Variants in GRIN2A observed in about 807,000 individuals in gnomAD.
GRIN2A encodes the protein glutamate ionotropic receptor NMDA type subunit 2A, also known as glutamate receptor ionotropic, NMDA 2A.
In GRIN2A, 22 loss-of-function variants were observed where a neutral mutation model predicts 113.4. The observed-to-expected ratio is 0.19, with a 90% confidence interval of 0.14 to 0.28. The LOEUF (loss-of-function observed/expected upper bound fraction) is 0.28. Ranked by LOEUF, GRIN2A falls within the 10% of genes least tolerant of loss-of-function variation. The pLI is 1.00. For synonymous variants in GRIN2A, 827 were observed against 738.4 expected (o/e 1.12, Z -1.94); for missense variants, 1,502 against 1,887.0 (o/e 0.80, Z 3.78).
At chr16:9,910,560 G>C (rs114002150) in intron 3 of GRIN2A, among the ~76,000 whole-genome samples, 1,199 of 115,018 alleles carry the variant, frequency 0.01, 20 homozygotes, top group African/African-American at 0.041. Flanking sequence ...TTTTTTTTGA[G>C]ACGGAGTCTT....
At chr16:9,922,326 G>T (rs62034950) in intron 3 of GRIN2A, among the ~76,000 whole-genome samples, 2 of 151,512 alleles carry the variant, frequency 1.3e-5, no homozygotes, top group African/African-American at 4.8e-5. Flanking sequence ...AAAAAAAAAG[G>T]AGAATCAGAA....
At chr16:9,833,102 A>G (rs2042525582) in intron 8 of GRIN2A, among the ~76,000 whole-genome samples, 1 of 152,154 alleles carries the variant, frequency 6.6e-6, no homozygotes, top group African/African-American at 2.4e-5. Flanking sequence ...TTCTGATAAC[A>G]CCCATTTAGA....
At chr16:9,940,962 T>G (rs1389480036) in intron 2 of GRIN2A, among the ~76,000 whole-genome samples, 1 of 152,182 alleles carries the variant, frequency 6.6e-6, no homozygotes, top group Non-Finnish European at 1.5e-5. Flanking sequence ...TCACACACTG[T>G]GAGACGCCTC....
In GRIN2A at chr16:10,085,114, C is replaced by T. The variant is rs555914183; in HGVS notation, c.414+94884G>A. Reference sequence around the variant, plus strand: ...TTTGGTCACTTGTTCAGTTATATAGCCAGTGAGTTACAGAGTAAGGATTTG... The same window carrying T: ...TTTGGTCACTTGTTCAGTTATATAGTCAGTGAGTTACAGAGTAAGGATTTG... On this transcript the variant is annotated intron_variant, in intron 2 of 12. Coordinates refer to ENST00000330684, the MANE Select transcript of GRIN2A (RefSeq NM_001134407.3). Among the ~76,000 whole-genome samples the T allele has an allele frequency of 2.3e-4, 35 of 152,234 alleles. No individual in the cohort carries two copies. The East Asian group carries it at 6.6e-3, about 29-fold the overall frequency.
chr16:9,891,188 T>C (rs751571621), intron 3 of GRIN2A, 88 bp from the exon 4 acceptor site: 6 of 782,210 alleles, frequency 7.7e-6, no homozygotes, highest in South Asian at 6.9e-5. Context: ...AATGGAATAC[T>C]GAAAAATTAT....
intron 2 of GRIN2A, among the ~76,000 whole-genome samples, chr16:9,982,264 G>T (rs1305336612): frequency 6.6e-6 from 1 of 152,174 alleles, no homozygotes; most frequent in Admixed American, 6.5e-5. Flanking sequence ...GGTAGATGCA[G>T]ATCTCACTTA....
chr16:10,108,028 G>C (rs529495097), intron 2 of GRIN2A, among the ~76,000 whole-genome samples: 1 of 152,300 alleles, frequency 6.6e-6, no homozygotes, highest in South Asian at 2.1e-4. Context: ...GTCTCATCCA[G>C]TTCCTCCCAA....
At chr16:9,769,939 T>G (rs753479273) in intron 11 of GRIN2A, among the ~76,000 whole-genome samples, 1 of 152,118 alleles carries the variant, frequency 6.6e-6, no homozygotes, top group Non-Finnish European at 1.5e-5. Flanking sequence ...AAAAGAGACA[T>G]CCAGCTGGCT....
chr16:10,077,831 G>C (rs1057375480), intron 2 of GRIN2A, among the ~76,000 whole-genome samples: 17 of 151,906 alleles, frequency 1.1e-4, no homozygotes, highest in African/African-American at 3.9e-4. Flanking sequence ...GCCTCTTTAG[G>C]GTCTTTATCC....
intron 3 of GRIN2A, among the ~76,000 whole-genome samples, chr16:9,914,801 T>C (rs1596580011): frequency 1.3e-5 from 2 of 151,140 alleles, no homozygotes; most frequent in South Asian, 2.1e-4. Flanking sequence ...AGCTGAAGCA[T>C]TGTGCTACAA....
Position 10,180,351 on chromosome 16 carries a change from G to C in GRIN2A, c.61C>G (p.Pro21Ala), listed in dbSNP as rs1285592726. 2 of 1,608,160 alleles carry C rather than the reference G, an allele frequency of 1.2e-6. No individual in the cohort carries two copies. The highest frequency in any genetic ancestry group is 3.3e-5 in the Admixed American group (2 of 60,000). Reference protein sequence around the residue: ...VLPALLVWRGPAPSAAAEKGP... With the variant: ...VLPALLVWRGAAPSAAAEKGP... ...TTCTCCGCCGCCGCGCTCGGCGCCGGACCGCGCCAGACCAGAAGGGCCGGC... is the reference window on the plus strand; with the variant it reads ...TTCTCCGCCGCCGCGCTCGGCGCCGCACCGCGCCAGACCAGAAGGGCCGGC... The change falls in exon 2 of 13, where the codon CCG becomes GCG. Residue 21 changes from proline to alanine, a missense_variant. By Grantham distance (27) the Pro-to-Ala change is conservative. Around this residue, in one of 7 missense-constraint regions of GRIN2A, gnomAD observed 149 missense variants for 179.1 expected, o/e 0.83. Transcript: ENST00000330684. This position sits in a 1 kb window ranked among gnomAD's most constrained non-coding sequence, Gnocchi z 7.0.
intron 4 of GRIN2A, among the ~76,000 whole-genome samples, chr16:9,890,426 C>A (rs1207614937): frequency 6.6e-6 from 1 of 152,098 alleles, no homozygotes; most frequent in Non-Finnish European, 1.5e-5. Context: ...TGATTTTTTT[C>A]TTTGCAAACG....
At position 9,950,052 on chromosome 16, in the gene GRIN2A, G is replaced by C. The variant is rs572209714; in HGVS notation, c.415-11501C>G. 2.0e-5 allele frequency among the ~76,000 whole-genome samples: 3 copies of C among 152,248 alleles called. No homozygotes were observed. The East Asian group carries it at 5.8e-4, about 29-fold the overall frequency. ...AACAATTCTGAGGAGGGTTGGGCTG[G>C]CATTCTTCACTGTCTGAACCCTTGT... On this transcript the variant is annotated intron_variant, in intron 2 of 12. Coordinates refer to ENST00000330684, the MANE Select transcript of GRIN2A (RefSeq NM_001134407.3).
At chr16:10,019,234 T>C (rs2046670538) in intron 2 of GRIN2A, among the ~76,000 whole-genome samples, 3 of 152,154 alleles carry the variant, frequency 2.0e-5, no homozygotes, top group Non-Finnish European at 4.4e-5. Context: ...AAGGATAAAA[T>C]AAGATATAAA....
chr16:9,760,374 A>ATTTTTTTTTTTTT lies in GRIN2A; in HGVS notation c.*2762_*2774dup, dbSNP rs35189803. On this transcript the variant is annotated 3_prime_UTR_variant, in exon 13 of 13. Coordinates refer to ENST00000330684, the MANE Select transcript of GRIN2A (RefSeq NM_001134407.3). ...AAATTGACCATCTGATCAGTAGTTG[A>ATTTTTTTTTTTTT]TTTTTTTTTTTTTTTTTTTTTTTTG... is the stretch of plus-strand genomic sequence containing the variant. 2.6e-4 allele frequency: 24 copies of ATTTTTTTTTTTTT among 94,056 alleles called. 1 individual carries two copies. The highest frequency in any genetic ancestry group is 3.0e-4 in the African/African-American group (6 of 20,242). 5.8% of individuals were successfully genotyped at this position (94,056 alleles called of 1,614,324 possible).
chr16:9,970,133 A>G (rs549792739), intron 2 of GRIN2A, among the ~76,000 whole-genome samples: 3 of 152,344 alleles, frequency 2.0e-5, no homozygotes, highest in Admixed American at 6.5e-5. Flanking sequence ...AAGCAGCTCA[A>G]ATTCAATGTT....
chr16:9,977,724 T>A (rs2141762186), intron 2 of GRIN2A, among the ~76,000 whole-genome samples: 1 of 152,244 alleles, frequency 6.6e-6, no homozygotes, highest in South Asian at 2.1e-4. Context: ...TGCACACCCA[T>A]GTGTGCATGT....
rs753964102 is a variant in GRIN2A, at chr16:9,763,202, A to G, written c.4342T>C (p.Cys1448Arg). The change falls in exon 13 of 13, where the codon TGC (cysteine) becomes CGC (arginine). Residue 1448 changes from cysteine (C) to arginine (R), a missense_variant. Cys to Arg is a radical substitution (Grantham distance 180). Coordinates refer to ENST00000330684, the MANE Select transcript of GRIN2A (RefSeq NM_001134407.3). ...TTCTTGTACACGCGTCTATTGCTGC[A>G]GGAATTTAAAACCCTGGGGGTAGAG... ...MYSTPRVLNS[C>R]SNRRVYKKMP... 1.2e-6 allele frequency: 2 copies of G among 1,614,038 alleles called. No homozygotes were observed. Among genetic ancestry groups the G allele is most frequent in the South Asian group, 2.2e-5 (2 of 91,082 alleles).
intron 4 of GRIN2A, among the ~76,000 whole-genome samples, chr16:9,862,573 C>A (rs1474761323): frequency 6.6e-6 from 1 of 152,200 alleles, no homozygotes; most frequent in Non-Finnish European, 1.5e-5. Context: ...CCATCATTTT[C>A]TTCAGGAGTT....
Sources: allele counts gnomAD v4.1 joint callset (sites outside exome capture counted in the v4.1 genomes callset), GRCh38; gene constraint gnomAD v4.1.1; regional missense constraint gnomAD v4.1.1; non-coding constraint Gnocchi (gnomAD v3.1); transcripts MANE v1.5; gene names NCBI Gene and HGNC (gene_info 2026-07-23, HGNC 2026-07-21).